Variants in RUNDC1 observed in about 807,000 individuals in gnomAD.
RUNDC1 encodes RUN domain-containing protein 1.
RUNDC1 carries 31 observed loss-of-function variants against 49.3 expected under a neutral mutation model. The ratio of observed to expected loss-of-function variants is 0.63; its 90% CI spans 0.47 to 0.85. The LOEUF (loss-of-function observed/expected upper bound fraction) is 0.85, where lower values mean the gene tolerates loss of function less well. RUNDC1 is among the 40% of genes least tolerant of loss of function. RUNDC1 has a pLI of 0.00. For synonymous variants in RUNDC1, 347 were observed against 348.6 expected (o/e 1.00, Z 0.05); for missense variants, 715 against 806.7 (o/e 0.89, Z 1.38).
In RUNDC1 at chr17:42,991,297, C is replaced by T; in HGVS notation, c.1423C>T (p.Leu475Phe). The stretch of plus-strand genomic sequence containing the variant: ...CCCAGAGGCCATGCACCCGTGGGAG[C>T]TCTTTGTAAAGTACTACCATGCTAA... ...SAPEAMHPWE[L>F]FVKYYHAKNG... The change falls in exon 5 of 5, where the codon CTC becomes TTC. Residue 475 changes from leucine (L) to phenylalanine (F), a missense_variant. Leu to Phe is a conservative substitution (Grantham distance 22). Around this residue, in one of 5 missense-constraint regions of RUNDC1, gnomAD observed 425 missense variants for 499.7 expected, o/e 0.85. Coordinates refer to ENST00000361677, the MANE Select transcript of RUNDC1 (RefSeq NM_173079.5). 3 of 1,614,204 alleles carry T rather than the reference C, an allele frequency of 1.9e-6. No homozygotes were observed. The highest frequency in any genetic ancestry group is 8.5e-7 in the Non-Finnish European group (1 of 1,180,040).
intron 1 of RUNDC1, among the ~76,000 whole-genome samples, chr17:42,984,048 C>T (rs962846654): frequency 6.6e-6 from 1 of 151,808 alleles, no homozygotes; most frequent in Non-Finnish European, 1.5e-5. Context: ...CAACTCACTG[C>T]ATCCTCAACC....
Sources: allele counts gnomAD v4.1 joint callset (sites outside exome capture counted in the v4.1 genomes callset), GRCh38; gene constraint gnomAD v4.1.1; regional missense constraint gnomAD v4.1.1; transcripts MANE v1.5; gene names NCBI Gene and HGNC (gene_info 2026-07-23, HGNC 2026-07-21).